The following MTERF3 variants were observed in gnomAD, a reference collection of about 807,000 sequenced individuals.
MTERF3 encodes the protein mitochondrial transcription termination factor 3.
A neutral mutation model predicts 40.5 loss-of-function variants in MTERF3; 40 were observed. That is an observed-to-expected ratio of 0.99 (90% CI 0.77 to 1.29). The LOEUF (loss-of-function observed/expected upper bound fraction) is 1.29, where lower values mean the gene tolerates loss of function less well. Ranked by LOEUF, MTERF3 falls within the 50% of genes most tolerant of loss-of-function variation. MTERF3 has a pLI of 0.00. For missense variants in MTERF3, 452 were observed against 478.2 expected (o/e 0.95, Z 0.51); for synonymous variants, 158 against 166.6 (o/e 0.95, Z 0.40).
intron 3 of MTERF3, among the ~76,000 whole-genome samples, chr8:96,252,396 C>CTAT (rs1810202596): frequency 3.3e-5 from 5 of 152,014 alleles, no homozygotes; most frequent in Admixed American, 3.3e-4. Flanking sequence ...GAAATTAATT[C>CTAT]TAGATAAAGA....
intron 3 of MTERF3, among the ~76,000 whole-genome samples, chr8:96,251,304 T>C (rs1461272584): frequency 1.3e-5 from 2 of 152,092 alleles, no homozygotes; most frequent in African/African-American, 2.4e-5. Context: ...CAGAGGAAAA[T>C]AGAGCATTTA....
rs1374079493 is a variant in MTERF3 at position 96,251,116 on chromosome 8, T to G, written c.488-21A>C. On this transcript the variant is annotated intron_variant, in intron 3 of 7. Transcript: ENST00000287025. Reference sequence around the variant, plus strand: ...CACGCCTATAATAAATTATAAATACTGTTTGAAGATGACTTCTTAGTTCAC... The same window carrying G: ...CACGCCTATAATAAATTATAAATACGGTTTGAAGATGACTTCTTAGTTCAC... The G allele has an allele frequency of 2.6e-6, 4 of 1,539,284 alleles. No individual in the cohort carries two copies. The African/African-American group carries it at 5.6e-5, about 22-fold the overall frequency.
At chr8:96,250,641 G>T (rs1215928085) in intron 4 of MTERF3, among the ~76,000 whole-genome samples, 1 of 25,870 alleles carries the variant, frequency 3.9e-5, no homozygotes, top group Admixed American at 3.6e-4. Flanking sequence ...AGAAGAAGAA[G>T]AAGAAGAAGA....
chr8:96,246,219 G>A, intron 5 of MTERF3, 88 bp downstream of exon 5: 1 of 1,238,346 alleles, frequency 8.1e-7, no homozygotes, highest in Non-Finnish European at 1.1e-6. Flanking sequence ...TGATTCACAT[G>A]GGCCAGGCAT....
chr8:96,248,758 T>C (rs1810068254), intron 4 of MTERF3, among the ~76,000 whole-genome samples: 2 of 152,186 alleles, frequency 1.3e-5, no homozygotes, highest in South Asian at 4.1e-4. Context: ...AATGCGACTA[T>C]TCATTTGAAA....
intron 4 of MTERF3, among the ~76,000 whole-genome samples, chr8:96,250,673 AGAAGAAGAAGGAGGAGGAGGAGG>A (rs1810154434): frequency 2.5e-5 from 1 of 40,072 alleles, no homozygotes; most frequent in Admixed American, 2.1e-4. Context: ...AAGAAGAAGA[AGAAGAAGAAGGAGGAGGAGGAGG>A]GGGGGAGGGG....
chr8:96,243,820 T>C, intron 7 of MTERF3, 99 bp downstream of exon 7: 2 of 1,336,292 alleles, frequency 1.5e-6, no homozygotes, highest in Non-Finnish European at 2.1e-6. Flanking sequence ...GCCCTGCAAA[T>C]TGTAAACTCT....
chr8:96,249,953 T>TG (rs1164608265), intron 4 of MTERF3, among the ~76,000 whole-genome samples: 1 of 152,126 alleles, frequency 6.6e-6, no homozygotes, highest in African/African-American at 2.4e-5. Flanking sequence ...CTGGGTTGAA[T>TG]GACAGGTGGG....
At chr8:96,250,823 C>G in intron 4 of MTERF3, 83 bp downstream of exon 4, 1 of 1,324,458 alleles carries the variant, frequency 7.6e-7, no homozygotes, top group South Asian at 1.3e-5. Flanking sequence ...CCTTGTGCAG[C>G]AGAGATTTAA....
intron 2 of MTERF3, 92 bp from the exon 3 acceptor site, chr8:96,257,206 T>C (rs1364481150): frequency 5.3e-6 from 7 of 1,311,536 alleles, no homozygotes; most frequent in South Asian, 1.6e-5. Flanking sequence ...CTTCTTTCAG[T>C]GGTTAAATCT....
chr8:96,248,339 G>C (rs1810060173), intron 4 of MTERF3, among the ~76,000 whole-genome samples: 1 of 152,174 alleles, frequency 6.6e-6, no homozygotes, highest in South Asian at 2.1e-4. Context: ...CTTATCAATA[G>C]GTACTAGCGA....
intron 4 of MTERF3, among the ~76,000 whole-genome samples, chr8:96,247,878 C>T (rs532368727): frequency 1.9e-3 from 295 of 151,996 alleles, no homozygotes; most frequent in Non-Finnish European, 3.2e-3. Context: ...TATAAAAGAA[C>T]GTTTACCGAA....
intron 6 of MTERF3, among the ~76,000 whole-genome samples, chr8:96,244,373 T>G (rs1316636234): frequency 6.6e-6 from 1 of 151,230 alleles, no homozygotes; most frequent in African/African-American, 2.4e-5. Flanking sequence ...CCTCCCGAAG[T>G]GCTTACAGGT....
rs754632901 is a variant in MTERF3, at chr8:96,246,408, G to C, written c.724C>G (p.Gln242Glu). 4 of 1,612,296 alleles carry C rather than the reference G, an allele frequency of 2.5e-6. No homozygotes were observed. Among genetic ancestry groups the C allele is most frequent in the Middle Eastern group, 3.3e-4 (2 of 6,044 alleles). Residue 242 changes from glutamine to glutamate, a missense_variant, in exon 5 of 8, where the codon CAG becomes GAG. Transcript: ENST00000287025. ...AAAAATGGTGCTTTTCTGACCATCTGTGCAACATCTGCTTTACTGAAATTT... is the reference window on the plus strand; with the variant it reads ...AAAAATGGTGCTTTTCTGACCATCTCTGCAACATCTGCTTTACTGAAATTT... ...SKNFSKADVA[Q>E]MVRKAPFLLN... is the part of the protein sequence containing the mutation.
chr8:96,254,209 A>G (rs1810240640), intron 3 of MTERF3, among the ~76,000 whole-genome samples: 1 of 152,244 alleles, frequency 6.6e-6, no homozygotes, highest in South Asian at 2.1e-4. Flanking sequence ...ATTTGTATAC[A>G]TAGTGGAACG....
chr8:96,256,797 C>CT (rs1301855000), intron 3 of MTERF3, among the ~76,000 whole-genome samples, 165 bp downstream of exon 3: 1 of 152,108 alleles, frequency 6.6e-6, no homozygotes, highest in Non-Finnish European at 1.5e-5. Flanking sequence ...GCAAGATCAC[C>CT]AAGGATGAGG....
Position 96,253,830 on chromosome 8 carries a change from A to T in MTERF3, c.488-2735T>A, listed in dbSNP as rs890294828. On this transcript the variant is annotated intron_variant, in intron 3 of 7. Transcript: ENST00000287025. ...AGACCAGCCTGGGCAACACAGTGAG[A>T]CCTCCCTCTATTTAAAAAAAAAAAA... is the stretch of plus-strand genomic sequence containing the variant. Among the ~76,000 whole-genome samples, 7 of 147,090 alleles carry T rather than the reference A, an allele frequency of 4.8e-5. No homozygotes were observed. In the Admixed American group the frequency reaches 4.8e-4, roughly 10 times the overall value.
chr8:96,260,865 C>A (rs1479077907), intron 1 of MTERF3, among the ~76,000 whole-genome samples: 3 of 152,184 alleles, frequency 2.0e-5, no homozygotes, highest in Non-Finnish European at 4.4e-5. Context: ...TTTCCCAGAG[C>A]CTTGTACTGC....
chr8:96,259,391 A>C (rs1810339743), intron 1 of MTERF3, among the ~76,000 whole-genome samples: 1 of 85,190 alleles, frequency 1.2e-5, no homozygotes, highest in South Asian at 5.1e-4. Flanking sequence ...AAAAGCCTTC[A>C]AAAAGAAAAG....
Sources: allele counts gnomAD v4.1 joint callset (sites outside exome capture counted in the v4.1 genomes callset), GRCh38; gene constraint gnomAD v4.1.1; transcripts MANE v1.5; gene names NCBI Gene and HGNC (gene_info 2026-07-23, HGNC 2026-07-21).